The following NEMF variants were observed in gnomAD, a reference collection of about 807,000 sequenced individuals.
The protein encoded by NEMF is nuclear export mediator factor.
Under a neutral mutation model 162.2 loss-of-function variants are expected in NEMF, and 89 were observed. The observed-to-expected ratio is 0.55, with a 90% CI of 0.46 to 0.65. The LOEUF is 0.65. Among genes scored for constraint, NEMF ranks in the 30% least tolerant of loss-of-function variants. NEMF has a pLI of 0.00. For missense variants in NEMF, 1,133 were observed against 1,261.9 expected, an observed-to-expected ratio of 0.90 and a Z score of 1.55; for synonymous variants, 421 against 404.5, an observed-to-expected ratio of 1.04 and a Z score of -0.49.
intron 4 of NEMF, among the ~76,000 whole-genome samples, chr14:49,845,075 A>AAGTTAGTTAGTTAGTT (rs34544224): frequency 4.3e-4 from 64 of 149,294 alleles, no homozygotes; most frequent in African/African-American, 1.6e-3. Flanking sequence ...GGCCCAGATT[A>AAGTTAGTTAGTTAGTT]AGTTAGTTAG....
chr14:49,846,036 C>T, intron 4 of NEMF, 104 bp downstream of exon 4: 2 of 958,008 alleles, frequency 2.1e-6, no homozygotes, highest in Non-Finnish European at 1.5e-6. Context: ...TAGTAACAAC[C>T]TTTGACACAG....
intron 17 of NEMF, 46 bp from the exon 18 acceptor site, chr14:49,814,096 T>A: frequency 1.7e-6 from 2 of 1,146,960 alleles, no homozygotes; most frequent in Non-Finnish European, 1.3e-6. Flanking sequence ...TCCTAATTAT[T>A]CTTTTTTCCT....
chr14:49,846,794 T>A (rs1893525909), intron 3 of NEMF, among the ~76,000 whole-genome samples: 1 of 152,188 alleles, frequency 6.6e-6, no homozygotes, highest in South Asian at 2.1e-4. Flanking sequence ...TAGAGAATGA[T>A]GGACCTATAG....
intron 26 of NEMF, among the ~76,000 whole-genome samples, chr14:49,795,389 G>C (rs1339216153): frequency 6.6e-6 from 1 of 152,030 alleles, no homozygotes; most frequent in Non-Finnish European, 1.5e-5. Context: ...CAGGGGCAGT[G>C]TGGAAAGAGT....
Position 49,784,475 on chromosome 14 carries a change from A to C in NEMF, c.*161T>G. ...ATAGACAGTGTTTCCTCTATATAAA[A>C]CTGGGAAAAAACAAGAAGTAAGTCC... On this transcript the variant is annotated 3_prime_UTR_variant, in exon 33 of 33. Coordinates refer to ENST00000298310, the MANE Select transcript of NEMF (RefSeq NM_004713.6). The C allele has an allele frequency of 5.2e-6, 3 of 582,492 alleles. No individual in the cohort carries two copies. The South Asian group carries it at 7.2e-5, about 14-fold the overall frequency. The allele number at this position is 582,492 out of a possible 1,614,324, so 36.1% of individuals were successfully genotyped here.
In NEMF at chr14:49,813,662, G is replaced by GGT. The variant is rs57660068; in HGVS notation, c.1744+324_1744+325dup. 2.2e-3 allele frequency among the ~76,000 whole-genome samples: 320 copies of GGT among 148,662 alleles called. 4 individuals carry two copies. The highest frequency in any genetic ancestry group is 7.5e-3 in the African/African-American group (303 of 40,336). On this transcript the variant is annotated intron_variant, in intron 18 of 32. Transcript: ENST00000298310. ...TTTATCATTACATCTTTTTTTATTAGGTGTGTGTGTGTGTGTGTGTGTGTG... is the reference window on the plus strand; with the variant it reads ...TTTATCATTACATCTTTTTTTATTAGGTGTGTGTGTGTGTGTGTGTGTGTGTG...
In NEMF at chr14:49,851,817, G is replaced by T; in HGVS notation, c.118C>A (p.Arg40Ser). The T allele has an allele frequency of 6.4e-7, 1 of 1,561,324 alleles. No individual in the cohort carries two copies. The highest frequency in any genetic ancestry group is 1.1e-5 in the South Asian group (1 of 87,032). Residue 40 changes from arginine (R) to serine (S), a missense_variant, in exon 2 of 33, where the codon CGT (arginine) becomes AGT (serine). By Grantham distance (110) the Arg-to-Ser change is moderately radical. Around this residue, in one of 3 missense-constraint regions of NEMF, gnomAD observed 582 missense variants for 631.5 expected, o/e 0.92. Transcript: ENST00000298310. ...YDVDNKTYLI[R>S]LQKPDFKATL... ...ATAAAATGTTCTTACTTTTGAAGAC[G>T]AATAAGGTATGTCTTATTATCCACA...
At chr14:49,845,295 T>C (rs1893444598) in intron 4 of NEMF, among the ~76,000 whole-genome samples, 1 of 151,848 alleles carries the variant, frequency 6.6e-6, no homozygotes, top group African/African-American at 2.4e-5. Context: ...GGTTTTGCCA[T>C]GTTGGCCAGG....
chr14:49,817,495 G>C lies in NEMF; in HGVS notation c.1578-2638C>G, dbSNP rs149513376. On this transcript the variant is annotated intron_variant, in intron 16 of 32. Transcript: ENST00000298310. Reference sequence around the variant, plus strand: ...TATACCATGTAAACACTAACCAAAAGAAAGCTCATCTAGTTACACCTGACA... The same window carrying C: ...TATACCATGTAAACACTAACCAAAACAAAGCTCATCTAGTTACACCTGACA... Among the ~76,000 whole-genome samples the C allele has an allele frequency of 2.8e-3, 424 of 152,032 alleles. 6 individuals carry two copies. Among genetic ancestry groups the C allele is most frequent in the South Asian group, 4.8e-3 (23 of 4,814 alleles).
chr14:49,802,800 A>G, intron 20 of NEMF, 73 bp from the exon 21 acceptor site: 1 of 1,108,728 alleles, frequency 9.0e-7, no homozygotes, highest in Middle Eastern at 2.9e-4. Flanking sequence ...ACAAAAAAAA[A>G]TTAGTGTCAG....
chr14:49,837,815 TAAA>T lies in NEMF; in HGVS notation c.574+321_574+323del, dbSNP rs10709373. Among the ~76,000 whole-genome samples, 10 of 122,762 alleles carry T rather than the reference TAAA, an allele frequency of 8.1e-5. No homozygotes were observed. In the East Asian group the frequency reaches 1.2e-3, roughly 14 times the overall value. The allele number at this position is 122,762 out of a possible 152,430, so 80.5% of individuals were successfully genotyped here. ...CTGGGATGCCCTGAGACCCACCAAT[TAAA>T]AAAAAAAAAAAAAAACCAAAAAAAA... On this transcript the variant is annotated intron_variant, in intron 6 of 32. Transcript: ENST00000298310.
intron 22 of NEMF, 86 bp from the exon 23 acceptor site, chr14:49,800,782 G>T: frequency 7.9e-7 from 1 of 1,269,180 alleles, no homozygotes; most frequent in Non-Finnish European, 1.1e-6. Flanking sequence ...ATATTCCACT[G>T]TTTCTCCCAT....
chr14:49,836,653 A>G (rs1892920642), intron 6 of NEMF, among the ~76,000 whole-genome samples: 1 of 152,122 alleles, frequency 6.6e-6, no homozygotes, highest in Admixed American at 6.6e-5. Flanking sequence ...GGAAATGCAG[A>G]AGATCTTTTG....
At chr14:49,852,365 A>G (rs1893821544) in intron 1 of NEMF, among the ~76,000 whole-genome samples, 1 of 152,190 alleles carries the variant, frequency 6.6e-6, no homozygotes, top group African/African-American at 2.4e-5. Context: ...AAACCTCTGA[A>G]GCAAACGACC....
chr14:49,844,766 T>C lies in NEMF; in HGVS notation c.357+1374A>G, dbSNP rs765702249. 9.2e-3 allele frequency: 2,669 copies of C among 291,664 alleles called. 50 individuals carry two copies. The highest frequency in any genetic ancestry group is 0.072 in the African/African-American group (1,939 of 26,758). The allele number at this position is 291,664 out of a possible 1,614,324, so 18.1% of individuals were successfully genotyped here. A position where few individuals can be genotyped will look rare whatever the true frequency, so the allele number is the denominator to read the frequency against. The stretch of plus-strand genomic sequence containing the variant: ...ACACACACACACACACACACACACA[T>C]ATATTTTTTTTTTCCTTTTTGAGAC... On this transcript the variant is annotated intron_variant, in intron 4 of 32. Coordinates refer to ENST00000298310, the MANE Select transcript of NEMF (RefSeq NM_004713.6).
chr14:49,846,068 ATG>A, intron 4 of NEMF, 70 bp downstream of exon 4: 1 of 1,323,512 alleles, frequency 7.6e-7, no homozygotes, highest in Non-Finnish European at 1.1e-6. Flanking sequence ...TCCCCCACTC[ATG>A]TTATATAGCA....
At chr14:49,850,165 C>A (rs528095038) in intron 3 of NEMF, among the ~76,000 whole-genome samples, 7 of 152,064 alleles carry the variant, frequency 4.6e-5, no homozygotes, top group Admixed American at 3.9e-4. Context: ...TGAAACAGTG[C>A]GAACTCAGCT....
At chr14:49,851,962 C>G in intron 1 of NEMF, 87 bp from the exon 2 acceptor site, 1 of 805,836 alleles carries the variant, frequency 1.2e-6, no homozygotes, top group South Asian at 1.8e-5. Context: ...TTCGAAAGAG[C>G]GGATCTCAGT....
At position 49,802,475 on chromosome 14, in the gene NEMF, T is replaced by C. The variant is rs1258986120; in HGVS notation, c.2073A>G (p.Ile691Met). ...TACCTAATTGTTCCATTTCTTCTGA[T>C]ATGAGTTCACTTGTACAACTTGCCA... ...ETLASCTSEL[I>M]SEEMEQLDGG... The change falls in exon 22 of 33, where the codon ATA becomes ATG. Residue 691 changes from isoleucine to methionine, a missense_variant. Ile to Met is a conservative substitution (Grantham distance 10, BLOSUM62 1). Coordinates refer to ENST00000298310, the MANE Select transcript of NEMF (RefSeq NM_004713.6). The C allele has an allele frequency of 6.2e-7, 1 of 1,613,750 alleles. No homozygotes were observed. Among genetic ancestry groups the C allele is most frequent in the East Asian group, 2.2e-5 (1 of 44,864 alleles).
Sources: gnomAD v4.1 joint callset for allele counts (sites outside exome capture counted in the v4.1 genomes callset) on GRCh38, gnomAD v4.1.1 for gene constraint, gnomAD v4.1.1 regional missense constraint, MANE v1.5 for transcripts, NCBI Gene and HGNC (gene_info 2026-07-23, HGNC 2026-07-21) for gene names.